PTPRD: variants seen among roughly 807,000 people sequenced by gnomAD.
PTPRD encodes the protein protein tyrosine phosphatase receptor type D.
PTPRD carries 34 observed loss-of-function variants against 214.5 expected under a neutral mutation model. The ratio of observed to expected loss-of-function variants is 0.16; its 90% confidence interval spans 0.12 to 0.21. The LOEUF (loss-of-function observed/expected upper bound fraction) is 0.21. Ranked by LOEUF, PTPRD falls within the 10% of genes least tolerant of loss-of-function variation. The probability of loss-of-function intolerance (pLI) is 1.00; values close to 1 mark genes in which losing one functional copy is unlikely to be tolerated. For missense variants in PTPRD, 2,545 were observed against 2,398.7 expected, an observed-to-expected ratio of 1.06 and a Z score of -1.27; for synonymous variants, 1,128 against 845.7, an observed-to-expected ratio of 1.33 and a Z score of -5.79.
chr9:10,278,155 C>CAAAAAAAAA (rs752887858), intron 3 of PTPRD, among the ~76,000 whole-genome samples: 8 of 144,704 alleles, frequency 5.5e-5, no homozygotes, highest in South Asian at 2.2e-4. Flanking sequence ...GACTCTGTCT[C>CAAAAAAAAA]AAAAAACAAA....
chr9:10,199,159 T>C (rs1456468083), intron 3 of PTPRD, among the ~76,000 whole-genome samples: 1 of 152,088 alleles, frequency 6.6e-6, no homozygotes, highest in Non-Finnish European at 1.5e-5. Context: ...CAATATGCTC[T>C]ATTCGAACTG....
chr9:8,936,096 A>C (rs1441441744), intron 11 of PTPRD: 1 of 152,060 alleles, frequency 6.6e-6, no homozygotes, highest in Non-Finnish European at 1.5e-5. Context: ...CTTCAAATCA[A>C]TTGATGGAAG....
At chr9:8,842,585 G>A (rs1252342948) in intron 11 of PTPRD, among the ~76,000 whole-genome samples, 1 of 152,054 alleles carries the variant, frequency 6.6e-6, no homozygotes, top group Non-Finnish European at 1.5e-5. Flanking sequence ...AGAGGTAGGG[G>A]GTTAAAGTGT....
intron 4 of PTPRD, among the ~76,000 whole-genome samples, chr9:9,997,282 G>C (rs1318553337): frequency 8.5e-6 from 1 of 117,030 alleles, no homozygotes; most frequent in African/African-American, 3.0e-5. Flanking sequence ...TTGAAGATAA[G>C]CAATTTTTTT....
intron 9 of PTPRD, among the ~76,000 whole-genome samples, chr9:9,330,731 G>C (rs1437963296): frequency 2.0e-5 from 3 of 151,720 alleles, no homozygotes; most frequent in African/African-American, 7.3e-5. Context: ...TTGATTTGTA[G>C]AGAGAAAAAA....
rs189874738 is a variant in PTPRD, at chr9:10,542,776, T to C, written c.-600+69622A>G. 6.6e-5 allele frequency among the ~76,000 whole-genome samples: 10 copies of C among 152,258 alleles called. No individual in the cohort carries two copies. The East Asian group carries it at 1.7e-3, about 26-fold the overall frequency. On this transcript the variant is annotated intron_variant, in intron 2 of 45. Transcript: ENST00000381196. ...TCTTGTTGCCCAGGCTGGAGTGCAATGGTGTGATCTTGGCTCACCACAACC... is the reference window on the plus strand; with the variant it reads ...TCTTGTTGCCCAGGCTGGAGTGCAACGGTGTGATCTTGGCTCACCACAACC...
intron 3 of PTPRD, among the ~76,000 whole-genome samples, chr9:10,045,912 A>G (rs2097382377): frequency 6.6e-6 from 1 of 151,754 alleles, no homozygotes. Flanking sequence ...GATGTTTTCA[A>G]TTTTCTATAA....
chr9:10,502,843 T>TA (rs1401636607), intron 2 of PTPRD, among the ~76,000 whole-genome samples: 2 of 152,040 alleles, frequency 1.3e-5, no homozygotes, highest in East Asian at 3.9e-4. Flanking sequence ...CACTGAATCT[T>TA]AGAGTCCGAA....
intron 9 of PTPRD, among the ~76,000 whole-genome samples, chr9:9,224,195 A>G (rs1189231725): frequency 6.6e-6 from 1 of 151,972 alleles, no homozygotes; most frequent in Non-Finnish European, 1.5e-5. Flanking sequence ...CCCACACAGA[A>G]CTGGTGATAG....
intron 5 of PTPRD, among the ~76,000 whole-genome samples, chr9:9,852,708 C>G (rs73643806): frequency 0.033 from 5,062 of 151,748 alleles, 281 homozygotes; most frequent in African/African-American, 0.11. Flanking sequence ...AAATTTTATT[C>G]AACATTTATT....
chr9:10,252,135 TA>T (rs1415202206), intron 3 of PTPRD, among the ~76,000 whole-genome samples: 3 of 152,102 alleles, frequency 2.0e-5, no homozygotes, highest in African/African-American at 7.2e-5. Flanking sequence ...AGAATAAAAA[TA>T]ATTTTTTAAA....
intron 5 of PTPRD, among the ~76,000 whole-genome samples, chr9:9,867,647 A>G (rs1182899093): frequency 6.6e-6 from 1 of 152,162 alleles, no homozygotes; most frequent in South Asian, 2.1e-4. Flanking sequence ...ATACTTCAAG[A>G]AAGATATAAT....
chr9:9,796,293 G>T (rs1204634242), intron 5 of PTPRD, among the ~76,000 whole-genome samples: 1 of 152,110 alleles, frequency 6.6e-6, no homozygotes, highest in Admixed American at 6.5e-5. Flanking sequence ...GGGAGAGTAA[G>T]ATAAAATTCC....
At chr9:8,437,259 G>A (rs1201028413) in intron 34 of PTPRD, 2 of 1,490,632 alleles carry the variant, frequency 1.3e-6, no homozygotes, top group Non-Finnish European at 8.9e-7. Context: ...AAATGATGGT[G>A]TAAATAAAAT....
intron 6 of PTPRD, among the ~76,000 whole-genome samples, chr9:9,759,434 T>G (rs1359257891): frequency 6.6e-6 from 1 of 152,192 alleles, no homozygotes; most frequent in East Asian, 1.9e-4. Context: ...CCTGCTCTAC[T>G]GAGTGGAGTT....
chr9:8,540,532 A>G (rs999635318), intron 14 of PTPRD, among the ~76,000 whole-genome samples: 14 of 152,202 alleles, frequency 9.2e-5, no homozygotes, highest in African/African-American at 3.4e-4. Flanking sequence ...AACATAATGC[A>G]CGTTTATTAT....
intron 5 of PTPRD, among the ~76,000 whole-genome samples, chr9:9,864,027 G>T (rs1052644564): frequency 1.3e-5 from 2 of 152,094 alleles, no homozygotes; most frequent in Non-Finnish European, 2.9e-5. Context: ...AGGTTTGGCC[G>T]GGCGCGGTGG....
At chr9:9,311,234 G>C (rs1958904338) in intron 9 of PTPRD, among the ~76,000 whole-genome samples, 1 of 152,038 alleles carries the variant, frequency 6.6e-6, no homozygotes, top group South Asian at 2.1e-4. Flanking sequence ...AGTTCAGCAA[G>C]ATTACATAAG....
At chr9:10,173,024 T>A (rs888462244) in intron 3 of PTPRD, among the ~76,000 whole-genome samples, 2 of 152,204 alleles carry the variant, frequency 1.3e-5, no homozygotes, top group Non-Finnish European at 1.5e-5. Context: ...GTGAAGCCAT[T>A]GATTGGTGAG....
Sources: gnomAD v4.1 joint callset for allele counts (sites outside exome capture counted in the v4.1 genomes callset) on GRCh38, gnomAD v4.1.1 for gene constraint, MANE v1.5 for transcripts, NCBI Gene and HGNC (gene_info 2026-07-23, HGNC 2026-07-21) for gene names.